ARHGAP29: variants seen among roughly 807,000 people sequenced by gnomAD.
ARHGAP29 encodes rho GTPase-activating protein 29.
In ARHGAP29, 43 loss-of-function variants were observed where a neutral mutation model predicts 122.6. The observed-to-expected ratio is 0.35, with a 90% CI of 0.27 to 0.45. The LOEUF is 0.45. Ranked by LOEUF, ARHGAP29 falls within the 20% of genes least tolerant of loss-of-function variation. ARHGAP29 has a pLI of 1.00. For missense variants in ARHGAP29, 1,303 were observed against 1,477.2 expected (o/e 0.88, Z 1.93); for synonymous variants, 506 against 497.1 (o/e 1.02, Z -0.24).
chr1:94,174,020 G>A lies in ARHGAP29; in HGVS notation c.3635C>T (p.Ala1212Val). 6.2e-7 allele frequency: 1 copy of A among 1,614,210 alleles called. No individual in the cohort carries two copies. The highest frequency in any genetic ancestry group is 8.5e-7 in the Non-Finnish European group (1 of 1,180,040). Reference protein sequence around the residue: ...VVKSMPDPDKASACPGQATGQ... With the variant: ...VVKSMPDPDKVSACPGQATGQ... ...AGTTGCTTGCCCAGGACAAGCTGAT[G>A]CTTTGTCTGGGTCTGGCATTGACTT... is the stretch of plus-strand genomic sequence containing the variant. The change falls in exon 23 of 23, where the codon GCA (alanine) becomes GTA (valine). Residue 1212 changes from alanine to valine, a missense_variant. By Grantham distance (64) the Ala-to-Val change is moderately conservative (BLOSUM62 0). This residue lies in a region of ARHGAP29 where 620 missense variants were observed against 651.2 expected (regional missense o/e 0.95). Coordinates refer to ENST00000260526, the MANE Select transcript of ARHGAP29 (RefSeq NM_004815.4).
intron 19 of ARHGAP29, among the ~76,000 whole-genome samples, chr1:94,181,296 G>A (rs1649443333): frequency 6.6e-6 from 1 of 152,186 alleles, no homozygotes; most frequent in Non-Finnish European, 1.5e-5. Flanking sequence ...GTAGATCCCT[G>A]TTGCCACTTC....
intron 22 of ARHGAP29, 36 bp from the exon 23 acceptor site, chr1:94,174,785 C>CA (rs1192819685): frequency 6.3e-7 from 1 of 1,593,648 alleles, no homozygotes; most frequent in African/African-American, 1.3e-5. Context: ...GTTTGTGGCA[C>CA]ATGGTTAATA....
In ARHGAP29 at chr1:94,173,484, T is replaced by C. The variant is rs564905932; in HGVS notation, c.*385A>G. 84 of 169,492 alleles carry C rather than the reference T, an allele frequency of 5.0e-4. No individual in the cohort carries two copies. The highest frequency in any genetic ancestry group is 1.3e-3 in the Admixed American group (23 of 18,110). 10.5% of individuals were successfully genotyped at this position (169,492 alleles called of 1,614,324 possible). A position where few individuals can be genotyped will look rare whatever the true frequency, so the allele number is the denominator to read the frequency against. On this transcript the variant is annotated 3_prime_UTR_variant, in exon 23 of 23. Coordinates refer to ENST00000260526, the MANE Select transcript of ARHGAP29 (RefSeq NM_004815.4). ...CATTCCTTTTATAAATAAGCACTTA[T>C]AACAGTTCCACTCCAAAAAATAAAC...
chr1:94,178,769 C>T (rs1430231364), intron 20 of ARHGAP29, among the ~76,000 whole-genome samples: 5 of 152,164 alleles, frequency 3.3e-5, no homozygotes, highest in South Asian at 2.1e-4. Context: ...AGATGGTCAG[C>T]GCATGCAAGA....
intron 16 of ARHGAP29, among the ~76,000 whole-genome samples, chr1:94,185,696 A>T (rs1179824185): frequency 2.0e-5 from 3 of 152,196 alleles, no homozygotes; most frequent in Non-Finnish European, 4.4e-5. Flanking sequence ...AGCTATGAGT[A>T]AAAATCGTCA....
At chr1:94,211,305 A>AAAC (rs1557864710) in intron 3 of ARHGAP29, among the ~76,000 whole-genome samples, 32 of 144,634 alleles carry the variant, frequency 2.2e-4, no homozygotes, top group African/African-American at 5.3e-4. Flanking sequence ...AAAAAAAAAA[A>AAAC]AAAAAAAAGG....
At chr1:94,247,746 T>G in intron 1 of ARHGAP29, 4 of 604,938 alleles carry the variant, frequency 6.6e-6, no homozygotes, top group Non-Finnish European at 8.3e-6. Flanking sequence ...CCTTTGCAGC[T>G]ACCGCCACGG....
chr1:94,241,343 C>T (rs932627669), upstream of ARHGAP29, among the ~76,000 whole-genome samples: 45 of 152,186 alleles, frequency 3.0e-4, no homozygotes, highest in African/African-American at 1.0e-3. Context: ...CAGCCAGGTG[C>T]GGTGGCTCAC....
At chr1:94,272,121 A>C (rs1334910005) in intron 1 of ARHGAP29, among the ~76,000 whole-genome samples, 1 of 152,226 alleles carries the variant, frequency 6.6e-6, no homozygotes, top group East Asian at 1.9e-4. Context: ...CCAACAGCTC[A>C]GATCTCTCAG....
chr1:94,310,168 C>T, the ARHGAP29 span, among the ~76,000 whole-genome samples: 3 of 152,074 alleles, frequency 2.0e-5, no homozygotes, highest in Non-Finnish European at 4.4e-5. Flanking sequence ...CACAACTGCC[C>T]GAGTATGGGG....
chr1:94,287,829 A>G, the ARHGAP29 span, among the ~76,000 whole-genome samples: 1 of 150,448 alleles, frequency 6.6e-6, no homozygotes, highest in African/African-American at 2.5e-5. Flanking sequence ...AAGGACATGA[A>G]CTCATCCTTT....
chr1:94,272,177 T>G (rs967906363), intron 1 of ARHGAP29, among the ~76,000 whole-genome samples: 6 of 152,156 alleles, frequency 3.9e-5, no homozygotes, highest in African/African-American at 1.4e-4. Context: ...CAACGCCTGT[T>G]GAAGTAAAGG....
chr1:94,232,332 T>C (rs934899297), intron 1 of ARHGAP29, among the ~76,000 whole-genome samples: 3 of 152,140 alleles, frequency 2.0e-5, no homozygotes, highest in African/African-American at 7.2e-5. Context: ...ACAGTTAGTT[T>C]TTCCTAATAA....
chr1:94,282,218 C>T, the ARHGAP29 span, among the ~76,000 whole-genome samples: 1 of 151,738 alleles, frequency 6.6e-6, no homozygotes, highest in Non-Finnish European at 1.5e-5. Flanking sequence ...TTCTGTAATC[C>T]AATAGGCTTG....
At chr1:94,299,710 C>T in the ARHGAP29 span, among the ~76,000 whole-genome samples, 1 of 151,914 alleles carries the variant, frequency 6.6e-6, no homozygotes, top group African/African-American at 2.4e-5. Context: ...TTAGAATAAA[C>T]TTTGGGAAAG....
At chr1:94,219,219 C>T (rs1346234056) in intron 3 of ARHGAP29, among the ~76,000 whole-genome samples, 1 of 151,862 alleles carries the variant, frequency 6.6e-6, no homozygotes, top group African/African-American at 2.4e-5. Context: ...AATCCATTTA[C>T]CTTATCGGTA....
chr1:94,241,518 A>G (rs1316836412), upstream of ARHGAP29, among the ~76,000 whole-genome samples: 1 of 151,470 alleles, frequency 6.6e-6, no homozygotes, highest in Admixed American at 6.6e-5. Flanking sequence ...TCGGGAGGCT[A>G]AGGCAGTAGA....
At chr1:94,306,809 G>T in the ARHGAP29 span, among the ~76,000 whole-genome samples, 1 of 151,914 alleles carries the variant, frequency 6.6e-6, no homozygotes, top group Non-Finnish European at 1.5e-5. Flanking sequence ...AAAAAATAGG[G>T]GTTTACACCA....
intron 12 of ARHGAP29, among the ~76,000 whole-genome samples, chr1:94,200,724 C>T (rs1650788680): frequency 6.6e-6 from 1 of 152,208 alleles, no homozygotes; most frequent in Non-Finnish European, 1.5e-5. Flanking sequence ...ACTATTGATA[C>T]ATGCATAACA....
Sources: allele counts gnomAD v4.1 joint callset (sites outside exome capture counted in the v4.1 genomes callset), GRCh38; gene constraint gnomAD v4.1.1; regional missense constraint gnomAD v4.1.1; transcripts MANE v1.5; gene names NCBI Gene and HGNC (gene_info 2026-07-23, HGNC 2026-07-21).